Variants in MIA2 observed in about 807,000 individuals in gnomAD.
MIA2 encodes MIA SH3 domain ER export factor 2.
MIA2 carries 127 observed loss-of-function variants against 167.8 expected under a neutral mutation model. The ratio of observed to expected loss-of-function variants is 0.76; its 90% CI spans 0.66 to 0.88. The LOEUF (loss-of-function observed/expected upper bound fraction) is 0.88. Among genes scored for constraint, MIA2 ranks in the 40% least tolerant of loss-of-function variants. The pLI, the probability that MIA2 is intolerant of heterozygous loss-of-function variation, is 0.00. For missense variants in MIA2, 1,690 were observed against 1,624.7 expected, an observed-to-expected ratio of 1.04 and a Z score of -0.69; for synonymous variants, 552 against 541.9, an observed-to-expected ratio of 1.02 and a Z score of -0.26.
chr14:39,362,362 G>T (rs970339777), intron 23 of MIA2, among the ~76,000 whole-genome samples: 4 of 151,992 alleles, frequency 2.6e-5, no homozygotes, highest in Admixed American at 1.3e-4. Context: ...TTTAATTTTG[G>T]TACTTGTTAT....
At chr14:39,312,796 A>G (rs1160253521) in intron 18 of MIA2, among the ~76,000 whole-genome samples, 4 of 152,148 alleles carry the variant, frequency 2.6e-5, no homozygotes, top group African/African-American at 9.7e-5. Flanking sequence ...TAATGGCTCA[A>G]TAAGTTATCT....
At chr14:39,324,927 G>A (rs2067179653) in intron 24 of MIA2, among the ~76,000 whole-genome samples, 1 of 151,694 alleles carries the variant, frequency 6.6e-6, no homozygotes, top group Non-Finnish European at 1.5e-5. Flanking sequence ...GGCTTCTATT[G>A]AAAAAAAATT....
chr14:39,383,072 A>G (rs1030379997), intron 23 of MIA2, among the ~76,000 whole-genome samples: 2 of 150,878 alleles, frequency 1.3e-5, no homozygotes, highest in South Asian at 4.2e-4. Context: ...AACAGATGAT[A>G]TGACTATTAC....
At chr14:39,328,870 C>G (rs896296555) in intron 25 of MIA2, among the ~76,000 whole-genome samples, 2 of 152,066 alleles carry the variant, frequency 1.3e-5, no homozygotes, top group Non-Finnish European at 2.9e-5. Flanking sequence ...CTACTGTAGC[C>G]TTGTAGTATA....
intron 23 of MIA2, among the ~76,000 whole-genome samples, chr14:39,379,071 T>C (rs891003370): frequency 1.7e-4 from 26 of 152,204 alleles, no homozygotes; most frequent in African/African-American, 4.3e-4. Flanking sequence ...TCAAATCTTA[T>C]AAACCTATTA....
At chr14:39,382,855 TACTA>T (rs2075194168) in intron 23 of MIA2, among the ~76,000 whole-genome samples, 1 of 151,644 alleles carries the variant, frequency 6.6e-6, no homozygotes, top group Non-Finnish European at 1.5e-5. Flanking sequence ...TTATTTGAAA[TACTA>T]TTTATTATTT....
At chr14:39,300,072 T>A in intron 14 of MIA2, 86 bp downstream of exon 14, 2 of 1,491,448 alleles carry the variant, frequency 1.3e-6, no homozygotes, top group Non-Finnish European at 1.8e-6. Flanking sequence ...TTAGCAACTT[T>A]TATTTTCACA....
At chr14:39,288,452 T>TTTTTTTTTTTTTTTTTTTG (rs2060152179) in intron 9 of MIA2, among the ~76,000 whole-genome samples, 1 of 15,152 alleles carries the variant, frequency 6.6e-5, no homozygotes. Context: ...TATATATATA[T>TTTTTTTTTTTTTTTTTTTG]ATATATATAT....
chr14:39,297,572 T>C (rs911021870), intron 13 of MIA2, among the ~76,000 whole-genome samples: 2 of 152,064 alleles, frequency 1.3e-5, no homozygotes, highest in African/African-American at 4.8e-5. Flanking sequence ...CTTAATACTT[T>C]TATGTTTTCA....
chr14:39,254,397 G>A (rs1342754389), intron 6 of MIA2, among the ~76,000 whole-genome samples: 1 of 152,112 alleles, frequency 6.6e-6, no homozygotes, highest in Non-Finnish European at 1.5e-5. Context: ...ATTTTAAGCA[G>A]GGAGTAAAAT....
intron 25 of MIA2, among the ~76,000 whole-genome samples, chr14:39,340,069 C>G (rs764694704): frequency 1.3e-5 from 2 of 152,138 alleles, no homozygotes; most frequent in Non-Finnish European, 2.9e-5. Flanking sequence ...TTTCGAAATC[C>G]TTGGCTCAAG....
downstream of MIA2, among the ~76,000 whole-genome samples, chr14:39,354,886 T>C (rs1331703404): frequency 6.6e-6 from 1 of 152,134 alleles, no homozygotes; most frequent in African/African-American, 2.4e-5. Context: ...TGTGGCATTA[T>C]TTCTGAGGGC....
intron 23 of MIA2, among the ~76,000 whole-genome samples, chr14:39,379,723 G>A (rs912546458): frequency 8.6e-5 from 13 of 151,868 alleles, no homozygotes; most frequent in African/African-American, 1.5e-4. Flanking sequence ...ATGGTGGTGC[G>A]CACCTGTAAT....
intron 23 of MIA2, chr14:39,370,717 G>T: frequency 5.8e-6 from 1 of 171,874 alleles, no homozygotes; most frequent in South Asian, 1.3e-4. Flanking sequence ...CACATTTGCT[G>T]GAGCCCACAA....
intron 7 of MIA2, 120 bp downstream of exon 7, chr14:39,277,185 G>A (rs2058123133): frequency 1.5e-6 from 2 of 1,326,484 alleles, no homozygotes; most frequent in Non-Finnish European, 2.0e-6. Context: ...GGATTCAGAG[G>A]TTTTTGTTTT....
At chr14:39,325,571 G>A (rs952842846) in intron 24 of MIA2, among the ~76,000 whole-genome samples, 1 of 150,710 alleles carries the variant, frequency 6.6e-6, no homozygotes, top group East Asian at 2.0e-4. Flanking sequence ...GTTTCACCTT[G>A]TTAGCCAGGA....
Position 39,302,129 on chromosome 14 carries a change from A to G in MIA2, c.2620A>G (p.Thr874Ala). 6.2e-7 allele frequency: 1 copy of G among 1,613,236 alleles called. No individual in the cohort carries two copies. Among genetic ancestry groups the G allele is most frequent in the South Asian group, 1.1e-5 (1 of 91,014 alleles). ...TTTTTCCCCTTTGTTCAATGTCAAG[A>G]CTCTGACTGAACGCTTGTTAAAGAT... ...VLNDKESHIK[T>A]LTERLLKMKD... Residue 874 changes from threonine (T) to alanine (A), a missense_variant and splice_region_variant, in exon 15 of 29, where the codon ACT (threonine) becomes GCT (alanine). By Grantham distance (58) the Thr-to-Ala change is moderately conservative. Transcript: ENST00000640607.
At chr14:39,270,873 A>G (rs1566649418) in intron 6 of MIA2, among the ~76,000 whole-genome samples, 2 of 152,274 alleles carry the variant, frequency 1.3e-5, no homozygotes, top group African/African-American at 2.4e-5. Flanking sequence ...AATGCTTACC[A>G]GATAAATGAT....
At chr14:39,355,658 T>A (rs1002157551), downstream of MIA2, among the ~76,000 whole-genome samples, 78 of 152,180 alleles carry the variant, frequency 5.1e-4, no homozygotes, top group Non-Finnish European at 1.0e-3. Context: ...CTTCCAGTTT[T>A]TGCCCATTCA....
Sources: gnomAD v4.1 joint callset for allele counts (sites outside exome capture counted in the v4.1 genomes callset) on GRCh38, gnomAD v4.1.1 for gene constraint, MANE v1.5 for transcripts, NCBI Gene and HGNC (gene_info 2026-07-23, HGNC 2026-07-21) for gene names.